Variants in MRPL13 observed in about 807,000 individuals in gnomAD.
The protein encoded by MRPL13 is mitochondrial ribosomal protein L13, also known as large ribosomal subunit protein uL13m.
In MRPL13, 33 loss-of-function variants were observed where a neutral mutation model predicts 29.0. The ratio of observed to expected loss-of-function variants is 1.14; its 90% CI spans 0.86 to 1.52. The LOEUF (loss-of-function observed/expected upper bound fraction) is 1.52, where lower values mean the gene tolerates loss of function less well. Among genes scored for constraint, MRPL13 ranks in the 40% most tolerant of loss-of-function variants. The pLI, the probability that MRPL13 is intolerant of heterozygous loss-of-function variation, is 0.00. For missense variants in MRPL13, 227 were observed against 216.7 expected, an observed-to-expected ratio of 1.05 and a Z score of -0.30; for synonymous variants, 77 against 68.4, an observed-to-expected ratio of 1.13 and a Z score of -0.62.
At chr8:120,420,012 G>A (rs938967047) in intron 4 of MRPL13, 74 bp from the exon 5 acceptor site, 1 of 988,770 alleles carries the variant, frequency 1.0e-6, no homozygotes, top group Non-Finnish European at 1.4e-6. Context: ...AATTAGAGAT[G>A]ATGATGAAAA....
chr8:120,403,670 T>C (rs1302365485), intron 6 of MRPL13, among the ~76,000 whole-genome samples: 4 of 152,154 alleles, frequency 2.6e-5, no homozygotes, highest in Admixed American at 6.6e-5. Flanking sequence ...AAAACACCTG[T>C]AAAAATATGT....
rs575984613 is a variant in MRPL13, at chr8:120,411,024, G to A, written c.515+2967C>T. 5.7e-4 allele frequency among the ~76,000 whole-genome samples: 86 copies of A among 151,022 alleles called. 2 individuals are homozygous for A. The highest frequency in any genetic ancestry group is 1.0e-3 in the Non-Finnish European group (68 of 67,672). On this transcript the variant is annotated intron_variant, in intron 6 of 6. Coordinates refer to ENST00000306185, the MANE Select transcript of MRPL13 (RefSeq NM_014078.6). Reference sequence around the variant, plus strand: ...AACTACCAACCTTAGGTGATCCACCGCGCCAGGCTTCCCTCTCCCTCTCCT... The same window carrying A: ...AACTACCAACCTTAGGTGATCCACCACGCCAGGCTTCCCTCTCCCTCTCCT...
intron 4 of MRPL13, among the ~76,000 whole-genome samples, chr8:120,422,742 G>T (rs981510476): frequency 1.3e-5 from 2 of 151,272 alleles, no homozygotes; most frequent in Non-Finnish European, 3.0e-5. Flanking sequence ...AAGGCTTTGA[G>T]GCCCCAAATT....
At chr8:120,401,872 CCAAATCATAAAT>C (rs1182676982) in intron 6 of MRPL13, among the ~76,000 whole-genome samples, 2 of 151,934 alleles carry the variant, frequency 1.3e-5, no homozygotes, top group Non-Finnish European at 2.9e-5. Flanking sequence ...AAGCAGAGAG[CCAAATCATAAAT>C]CAACTCCCAT....
chr8:120,437,432 T>C (rs1394245520), intron 2 of MRPL13, among the ~76,000 whole-genome samples: 3 of 152,202 alleles, frequency 2.0e-5, no homozygotes, highest in African/African-American at 7.2e-5. Context: ...AAGAAAGGTT[T>C]TCCTCTGCTT....
chr8:120,423,788 C>G (rs1477451498), intron 4 of MRPL13, among the ~76,000 whole-genome samples: 1 of 151,874 alleles, frequency 6.6e-6, no homozygotes, highest in Non-Finnish European at 1.5e-5. Context: ...CAGGCTGAGT[C>G]ACAAGAAGGG....
intron 2 of MRPL13, among the ~76,000 whole-genome samples, chr8:120,441,567 G>T (rs1813124720): frequency 6.6e-6 from 1 of 152,130 alleles, no homozygotes; most frequent in East Asian, 1.9e-4. Context: ...AATTAGCCTG[G>T]ACTCCTCAAA....
At chr8:120,407,629 A>G (rs566100037) in intron 6 of MRPL13, among the ~76,000 whole-genome samples, 1 of 151,286 alleles carries the variant, frequency 6.6e-6, no homozygotes, top group African/African-American at 2.4e-5. Flanking sequence ...AGCCTGGGCA[A>G]AAAGAGCAAA....
intron 6 of MRPL13, among the ~76,000 whole-genome samples, chr8:120,407,424 A>G (rs1240815412): frequency 6.6e-6 from 1 of 152,096 alleles, no homozygotes; most frequent in Non-Finnish European, 1.5e-5. Context: ...AGGTGGGCAG[A>G]TCATGAGGTC....
chr8:120,404,218 G>T (rs1812638982), intron 6 of MRPL13, among the ~76,000 whole-genome samples: 1 of 152,146 alleles, frequency 6.6e-6, no homozygotes, highest in South Asian at 2.1e-4. Flanking sequence ...AATGCAATTG[G>T]AAAGAAATCT....
chr8:120,417,603 T>C (rs1812819660), intron 5 of MRPL13, among the ~76,000 whole-genome samples: 1 of 152,166 alleles, frequency 6.6e-6, no homozygotes, highest in Non-Finnish European at 1.5e-5. Context: ...TAATCCCTTA[T>C]TATTACCATG....
intron 4 of MRPL13, among the ~76,000 whole-genome samples, chr8:120,423,756 A>G (rs554918470): frequency 1.3e-5 from 2 of 152,290 alleles, no homozygotes; most frequent in East Asian, 3.9e-4. Context: ...ACTTCAAGGA[A>G]AAGGAAATTG....
Position 120,414,097 on chromosome 8 carries a change from T to C in MRPL13, c.409A>G (p.Ile137Val), listed in dbSNP as rs140699456. 6 of 1,582,748 alleles carry C rather than the reference T, an allele frequency of 3.8e-6. No individual in the cohort carries two copies. In the African/African-American group the frequency reaches 8.2e-5, roughly 22 times the overall value. Reference protein sequence around the residue: ...LFPDEYIPEDILKNLVEELPQ... With the variant: ...LFPDEYIPEDVLKNLVEELPQ... The stretch of plus-strand genomic sequence containing the variant: ...AGCTCCTCTACTAAATTCTTAAGAA[T>C]ATCTTCTGGAATATACTACATTAAA... Residue 137 changes from isoleucine (I) to valine (V), a missense_variant, in exon 6 of 7, where the codon ATT becomes GTT. Ile to Val is a conservative substitution (Grantham distance 29). Coordinates refer to ENST00000306185, the MANE Select transcript of MRPL13 (RefSeq NM_014078.6).
At chr8:120,405,228 A>G (rs369693535) in intron 6 of MRPL13, among the ~76,000 whole-genome samples, 2 of 152,200 alleles carry the variant, frequency 1.3e-5, no homozygotes, top group African/African-American at 2.4e-5. Context: ...TACACTAAAT[A>G]TGGTTTTACT....
At chr8:120,415,511 C>T (rs1025845976) in intron 5 of MRPL13, 2 of 152,076 alleles carry the variant, frequency 1.3e-5, no homozygotes, top group Non-Finnish European at 2.9e-5. Flanking sequence ...GATCACAGAG[C>T]TCTACTGTCC....
Position 120,444,908 on chromosome 8 carries a change from C to G in MRPL13, c.27+160G>C, listed in dbSNP as rs1437363087. On this transcript the variant is annotated intron_variant, in intron 1 of 6. Transcript: ENST00000306185. ...AGTAACAGACGAACGACATTAAGTG[C>G]TTGCCAGACTGACGACCCTCTTGTG... The G allele has an allele frequency of 1.0e-5, 7 of 676,310 alleles. No homozygotes were observed. In the East Asian group the frequency reaches 2.6e-4, roughly 25 times the overall value. 41.9% of individuals were successfully genotyped at this position (676,310 alleles called of 1,614,324 possible). A position where few individuals can be genotyped will look rare whatever the true frequency, so the allele number is the denominator to read the frequency against.
At chr8:120,439,786 G>C in intron 2 of MRPL13, among the ~76,000 whole-genome samples, 1 of 152,130 alleles carries the variant, frequency 6.6e-6, no homozygotes, top group East Asian at 1.9e-4. Context: ...TCATTAGGTA[G>C]AGAAAAAAGG....
intron 3 of MRPL13, among the ~76,000 whole-genome samples, chr8:120,428,597 A>G (rs1433437924): frequency 1.3e-5 from 2 of 152,186 alleles, no homozygotes; most frequent in Non-Finnish European, 2.9e-5. Flanking sequence ...TGCATCTGAC[A>G]AAGGTCTAAT....
At chr8:120,406,252 A>G (rs976500394) in intron 6 of MRPL13, among the ~76,000 whole-genome samples, 2 of 152,214 alleles carry the variant, frequency 1.3e-5, no homozygotes, top group Non-Finnish European at 2.9e-5. Context: ...CATGTAATAC[A>G]AAGTATCCAA....
Sources: allele counts gnomAD v4.1 joint callset (sites outside exome capture counted in the v4.1 genomes callset), GRCh38; gene constraint gnomAD v4.1.1; transcripts MANE v1.5; gene names NCBI Gene and HGNC (gene_info 2026-07-23, HGNC 2026-07-21).